Variants in CDH12 observed in about 807,000 individuals in gnomAD.
CDH12 encodes the protein cadherin-12.
Under a neutral mutation model 74.1 loss-of-function variants are expected in CDH12, and 41 were observed. The observed-to-expected ratio is 0.55, with a 90% CI of 0.43 to 0.72. The LOEUF (loss-of-function observed/expected upper bound fraction) is 0.72, where lower values mean the gene tolerates loss of function less well. CDH12 is among the 30% of genes least tolerant of loss of function. The pLI is 0.00. For synonymous variants in CDH12, 399 were observed against 355.0 expected (o/e 1.12, Z -1.39); for missense variants, 945 against 977.2 (o/e 0.97, Z 0.44).
chr5:22,439,632 T>C (rs1157200467), intron 2 of CDH12, among the ~76,000 whole-genome samples: 1 of 152,074 alleles, frequency 6.6e-6, no homozygotes, highest in Non-Finnish European at 1.5e-5. Context: ...TGGAATTTCC[T>C]AGTCTTGTAT....
chr5:22,580,291 C>T (rs541405795), intron 1 of CDH12: 56 of 394,062 alleles, frequency 1.4e-4, no homozygotes, highest in Non-Finnish European at 2.5e-4. Context: ...GCAAAGAGGT[C>T]GTCGATGTCA....
At chr5:22,596,191 T>C (rs952063828) in intron 1 of CDH12, among the ~76,000 whole-genome samples, 1 of 151,558 alleles carries the variant, frequency 6.6e-6, no homozygotes, top group African/African-American at 2.4e-5. Flanking sequence ...AATCCCAGCA[T>C]TCTGGGAGGC....
At chr5:22,301,960 C>T (rs186059943) in intron 3 of CDH12, among the ~76,000 whole-genome samples, 3 of 151,852 alleles carry the variant, frequency 2.0e-5, no homozygotes, top group Non-Finnish European at 4.4e-5. Context: ...TGAACCACTG[C>T]TCCCAGCCCA....
intron 7 of CDH12, among the ~76,000 whole-genome samples, chr5:21,848,607 T>C (rs1246680005): frequency 6.6e-6 from 1 of 152,022 alleles, no homozygotes; most frequent in Non-Finnish European, 1.5e-5. Flanking sequence ...ATGTTCATCA[T>C]TGCATTTGTA....
chr5:22,137,878 T>C (rs1417373825), intron 4 of CDH12, among the ~76,000 whole-genome samples: 5 of 152,138 alleles, frequency 3.3e-5, no homozygotes, highest in Admixed American at 6.6e-5. Flanking sequence ...ATAACCTCTT[T>C]TATTTCTCTG....
chr5:21,850,650 TTATC>T (rs1479574532), intron 7 of CDH12, among the ~76,000 whole-genome samples: 3 of 151,454 alleles, frequency 2.0e-5, no homozygotes, highest in Non-Finnish European at 4.4e-5. Context: ...TTGAAGATAA[TTATC>T]TCTGAATGAA....
intron 8 of CDH12, among the ~76,000 whole-genome samples, chr5:21,824,505 T>G (rs1748551170): frequency 6.6e-6 from 1 of 152,132 alleles, no homozygotes; most frequent in Admixed American, 6.6e-5. Flanking sequence ...TTGGGTTGGT[T>G]TTCCCTTCTG....
chr5:22,015,959 T>C lies in CDH12; in HGVS notation c.232-40574A>G, dbSNP rs150137964. Among the ~76,000 whole-genome samples, 13 of 151,844 alleles carry C rather than the reference T, an allele frequency of 8.6e-5. No homozygotes were observed. The East Asian group carries it at 2.5e-3, about 29-fold the overall frequency. On this transcript the variant is annotated intron_variant, in intron 5 of 14. Coordinates refer to ENST00000382254, the MANE Select transcript of CDH12 (RefSeq NM_004061.5). ...AATGGACTAAGAAATTTGCATAATA[T>C]CTCCCTACTTGGTAGAAATCTGTTA...
chr5:22,330,765 A>T (rs1164933023), intron 3 of CDH12, among the ~76,000 whole-genome samples: 1 of 150,160 alleles, frequency 6.7e-6, no homozygotes, highest in Non-Finnish European at 1.5e-5. Flanking sequence ...AAAAAAAAAA[A>T]GCAGACGGAA....
chr5:22,017,116 G>A (rs1359897980), intron 5 of CDH12, among the ~76,000 whole-genome samples: 2 of 152,036 alleles, frequency 1.3e-5, no homozygotes, highest in Non-Finnish European at 2.9e-5. Context: ...AGACTACCTT[G>A]CTTTGACCCT....
chr5:22,042,608 A>G (rs1476678854), intron 5 of CDH12, among the ~76,000 whole-genome samples: 1 of 152,142 alleles, frequency 6.6e-6, no homozygotes, highest in Admixed American at 6.5e-5. Flanking sequence ...AAAGAAATCT[A>G]AACACAGGGA....
At chr5:22,665,328 A>G (rs1276687672) in intron 1 of CDH12, among the ~76,000 whole-genome samples, 1 of 152,018 alleles carries the variant, frequency 6.6e-6, no homozygotes, top group Non-Finnish European at 1.5e-5. Flanking sequence ...TCTAGCTGAA[A>G]TTTTTTTTCC....
At chr5:22,485,805 A>G (rs1191394987) in intron 2 of CDH12, among the ~76,000 whole-genome samples, 1 of 152,236 alleles carries the variant, frequency 6.6e-6, no homozygotes, top group Non-Finnish European at 1.5e-5. Context: ...TAATCATATC[A>G]AAATAATGAC....
chr5:22,507,475 G>A (rs1736436071), intron 1 of CDH12, among the ~76,000 whole-genome samples: 1 of 152,026 alleles, frequency 6.6e-6, no homozygotes, highest in South Asian at 2.1e-4. Context: ...AATACAGATA[G>A]TAACAAGGTA....
At chr5:22,294,367 C>A (rs564589858) in intron 3 of CDH12, among the ~76,000 whole-genome samples, 1 of 152,104 alleles carries the variant, frequency 6.6e-6, no homozygotes, top group African/African-American at 2.4e-5. Flanking sequence ...AGAACAGAAG[C>A]CCTGTGTTGG....
chr5:22,832,691 TA>T (rs1291419677), intron 1 of CDH12, among the ~76,000 whole-genome samples: 15 of 152,182 alleles, frequency 9.9e-5, no homozygotes, highest in African/African-American at 3.6e-4. Flanking sequence ...TTTTAAAAAA[TA>T]TTACTGTTTC....
chr5:22,390,895 TA>T, intron 3 of CDH12, among the ~76,000 whole-genome samples: 1 of 152,288 alleles, frequency 6.6e-6, no homozygotes, highest in African/African-American at 2.4e-5. Context: ...AGATTGACCT[TA>T]AAATCCTTGC....
At chr5:22,602,185 C>A (rs991950777) in intron 1 of CDH12, among the ~76,000 whole-genome samples, 1 of 151,982 alleles carries the variant, frequency 6.6e-6, no homozygotes, top group Non-Finnish European at 1.5e-5. Context: ...TGTAAAAGGG[C>A]GAGACTTCTC....
At chr5:22,474,907 C>A (rs185455381) in intron 2 of CDH12, among the ~76,000 whole-genome samples, 6 of 151,972 alleles carry the variant, frequency 3.9e-5, no homozygotes, top group Non-Finnish European at 4.4e-5. Context: ...ATGAACCAAA[C>A]TAACAAATTA....
Sources: gnomAD v4.1 joint callset for allele counts (sites outside exome capture counted in the v4.1 genomes callset) on GRCh38, gnomAD v4.1.1 for gene constraint, MANE v1.5 for transcripts, NCBI Gene and HGNC (gene_info 2026-07-23, HGNC 2026-07-21) for gene names.